The following SCN11A variants were observed in gnomAD, a reference collection of about 807,000 sequenced individuals.
SCN11A encodes the protein sodium voltage-gated channel alpha subunit 11, also known as sodium channel protein type 11 subunit alpha.
A neutral mutation model predicts 162.2 loss-of-function variants in SCN11A; 122 were observed. That is an observed-to-expected ratio of 0.75 (90% confidence interval 0.65 to 0.87). The LOEUF (loss-of-function observed/expected upper bound fraction) is 0.87, where lower values mean the gene tolerates loss of function less well. Ranked by LOEUF, SCN11A falls within the 40% of genes least tolerant of loss-of-function variation. The pLI, the probability that SCN11A is intolerant of heterozygous loss-of-function variation, is 0.00. For missense variants in SCN11A, 2,015 were observed against 2,181.6 expected, an observed-to-expected ratio of 0.92 and a Z score of 1.52; for synonymous variants, 758 against 751.5, an observed-to-expected ratio of 1.01 and a Z score of -0.14.
intron 7 of SCN11A, among the ~76,000 whole-genome samples, chr3:38,932,538 G>T (rs60781306): frequency 6.6e-6 from 1 of 152,294 alleles, no homozygotes; most frequent in Non-Finnish European, 1.5e-5. Flanking sequence ...CTTTTCCGAC[G>T]GGCTTAAAAA....
intron 1 of SCN11A, among the ~76,000 whole-genome samples, chr3:39,050,642 T>C (rs2032320842): frequency 6.6e-6 from 1 of 152,254 alleles, no homozygotes; most frequent in East Asian, 1.9e-4. Flanking sequence ...ACTTATATAC[T>C]AGCACTATGC....
chr3:39,014,925 G>A (rs1414906801), intron 2 of SCN11A, among the ~76,000 whole-genome samples: 3 of 152,174 alleles, frequency 2.0e-5, no homozygotes, highest in Non-Finnish European at 2.9e-5. Context: ...CTTTGTTGTT[G>A]GCATATTGTG....
intron 26 of SCN11A, 65 bp downstream of exon 26, chr3:38,870,626 C>T: frequency 7.3e-7 from 1 of 1,376,378 alleles, no homozygotes; most frequent in Non-Finnish European, 1.0e-6. Context: ...TCTGGACTGT[C>T]CATGTAGTCA....
chr3:38,967,810 CAT>C (rs1201871422), intron 2 of SCN11A, among the ~76,000 whole-genome samples: 7 of 152,230 alleles, frequency 4.6e-5, no homozygotes, highest in Non-Finnish European at 8.8e-5. Flanking sequence ...GCTACTCACA[CAT>C]GTCAGTATTC....
chr3:38,863,260 T>C lies in SCN11A; in HGVS notation c.3991A>G (p.Lys1331Glu). 6.2e-7 allele frequency: 1 copy of C among 1,606,356 alleles called. No homozygotes were observed. Among genetic ancestry groups the C allele is most frequent in the Non-Finnish European group, 8.5e-7 (1 of 1,173,824 alleles). The change falls in exon 28 of 30, where the codon AAA becomes GAA. Residue 1331 changes from lysine (K) to glutamate (E), a missense_variant. Coordinates refer to ENST00000302328, the MANE Select transcript of SCN11A (RefSeq NM_001349253.2). ...AATTTTTTCATTGCATTATAGTATTTCTTCTGTTCTTCTGTCATAAAAATG... is the reference window on the plus strand; with the variant it reads ...AATTTTTTCATTGCATTATAGTATTCCTTCTGTTCTTCTGTCATAAAAATG... ...QDIFMTEEQKKYYNAMKKLGS... is the reference protein window; with the variant it reads ...QDIFMTEEQKEYYNAMKKLGS...
intron 2 of SCN11A, among the ~76,000 whole-genome samples, chr3:39,026,842 T>C (rs1417849921): frequency 6.6e-6 from 1 of 152,138 alleles, no homozygotes; most frequent in African/African-American, 2.4e-5. Context: ...GGTGGGGGAT[T>C]CTAGTGACAC....
rs146722484 is a variant in SCN11A at position 38,961,202 on chromosome 3, G to A, written c.-279-779C>T. On this transcript the variant is annotated intron_variant, in intron 2 of 29. Transcript: ENST00000302328. ...ACAAGGGGCGCTGAATACTGGTTTCGGCTCCACCACTTCTCAGCTGCATGT... is the reference window on the plus strand; with the variant it reads ...ACAAGGGGCGCTGAATACTGGTTTCAGCTCCACCACTTCTCAGCTGCATGT... Among the ~76,000 whole-genome samples, 308 of 152,194 alleles carry A rather than the reference G, an allele frequency of 2.0e-3. 2 individuals are homozygous for A. The highest frequency in any genetic ancestry group is 7.0e-3 in the African/African-American group (292 of 41,532).
intron 29 of SCN11A, among the ~76,000 whole-genome samples, chr3:38,848,438 T>C (rs1264670310): frequency 3.9e-5 from 6 of 152,136 alleles, no homozygotes; most frequent in Admixed American, 3.9e-4. Flanking sequence ...CCTAATGACC[T>C]TGAGTGTCCT....
In SCN11A at chr3:39,016,220, T is replaced by C. The variant is rs566505944; in HGVS notation, c.-280+16160A>G. On this transcript the variant is annotated intron_variant, in intron 2 of 29. Transcript: ENST00000302328. ...CACTTTGAGGCAAGGAAAGGGGCTT[T>C]AGTACCCCCATTGCAGATGGTCATT... is the stretch of plus-strand genomic sequence containing the variant. Among the ~76,000 whole-genome samples, 37 of 152,310 alleles carry C rather than the reference T, an allele frequency of 2.4e-4. No individual in the cohort carries two copies. In the Middle Eastern group the frequency reaches 0.01, roughly 42 times the overall value.
In SCN11A at chr3:38,900,037, T is replaced by C; in HGVS notation, c.1879A>G (p.Lys627Glu). 6.2e-7 allele frequency: 1 copy of C among 1,614,002 alleles called. No individual in the cohort carries two copies. The highest frequency in any genetic ancestry group is 2.2e-5 in the East Asian group (1 of 44,886). Residue 627 changes from lysine (K) to glutamate (E), a missense_variant, in exon 17 of 30, where the codon AAA (lysine) becomes GAA (glutamate). Physicochemically the swap from Lys to Glu is moderately conservative, Grantham distance 56 (BLOSUM62 1). Coordinates refer to ENST00000302328, the MANE Select transcript of SCN11A (RefSeq NM_001349253.2). ...TGGTAGGGATCGAGCGCAATGATTT[T>C]TAGGCACATTTCTGCTATAAAAATG... is the stretch of plus-strand genomic sequence containing the variant. ...TSIFIAEMCL[K>E]IIALDPYHYF...
intron 12 of SCN11A, 35 bp from the exon 13 acceptor site, chr3:38,909,229 CCTT>C (rs1239549866): frequency 2.5e-6 from 4 of 1,603,100 alleles, no homozygotes; most frequent in East Asian, 2.2e-5. Context: ...GAATATCAAA[CCTT>C]CTTCCACAGG....
At chr3:39,020,364 C>A (rs1457991845) in intron 2 of SCN11A, among the ~76,000 whole-genome samples, 2 of 152,226 alleles carry the variant, frequency 1.3e-5, no homozygotes, top group East Asian at 3.8e-4. Context: ...ATTCCTTTGT[C>A]CCGCCTCAGA....
chr3:38,950,621 G>A, intron 4 of SCN11A: 2 of 469,046 alleles, frequency 4.3e-6, no homozygotes, highest in South Asian at 2.5e-5. Context: ...GGCAAAAGGC[G>A]GGAAGTTGAG....
Position 38,932,356 on chromosome 3 carries a change from C to T in SCN11A, c.489-5425G>A, listed in dbSNP as rs868076182. Among the ~76,000 whole-genome samples the T allele has an allele frequency of 1.2e-4, 18 of 152,272 alleles. 1 individual carries two copies. In the Middle Eastern group the frequency reaches 0.017, roughly 144 times the overall value. ...AACGGGTTCATCTCACTAGGGAGTG[C>T]CAGACAGTGGATGCAGGACAGTGGG... On this transcript the variant is annotated intron_variant, in intron 7 of 29. Coordinates refer to ENST00000302328, the MANE Select transcript of SCN11A (RefSeq NM_001349253.2).
Position 38,872,230 on chromosome 3 carries a change from C to T in SCN11A, c.3458G>A (p.Arg1153Lys). Residue 1153 changes from arginine to lysine, a missense_variant, in exon 24 of 30, where the codon AGG (arginine) becomes AAG (lysine). Transcript: ENST00000302328. ...AAACTGGGACAGCGCACGAAGAGGC[C>T]TCAGTGCTCGTAGAGTCCGGAAGGA... ...LKSFRTLRAL[R>K]PLRALSQFEG... 1.9e-6 allele frequency: 3 copies of T among 1,611,114 alleles called. No homozygotes were observed. Among genetic ancestry groups the T allele is most frequent in the Non-Finnish European group, 2.5e-6 (3 of 1,177,448 alleles).
chr3:38,912,613 G>A (rs1203206530), intron 11 of SCN11A, among the ~76,000 whole-genome samples: 1 of 151,992 alleles, frequency 6.6e-6, no homozygotes, highest in Non-Finnish European at 1.5e-5. Flanking sequence ...TATTTTTTCT[G>A]CTCCTCTTGC....
chr3:38,850,746 T>A lies in SCN11A; in HGVS notation c.4062A>T (p.Lys1354Asn), dbSNP rs2064764771. Reference protein sequence around the residue: ...PQKPIPRPLNKCQGLVFDIVT... With the variant: ...PQKPIPRPLNNCQGLVFDIVT... ...CTATGTCGAACACGAGACCTTGACA[T>A]TTGTTCTGAGAAAAAAAAGAAATTA... Residue 1354 changes from lysine to asparagine, a missense_variant, in exon 29 of 30, where the codon AAA (lysine) becomes AAT (asparagine). By Grantham distance (94) the Lys-to-Asn change is moderately conservative. Transcript: ENST00000302328. 1.3e-6 allele frequency: 2 copies of A among 1,581,904 alleles called. No individual in the cohort carries two copies. The highest frequency in any genetic ancestry group is 1.7e-6 in the Non-Finnish European group (2 of 1,165,674).
intron 2 of SCN11A, among the ~76,000 whole-genome samples, chr3:39,018,792 T>G (rs954816894): frequency 2.0e-5 from 3 of 152,188 alleles, no homozygotes; most frequent in African/African-American, 4.8e-5. Flanking sequence ...CACTCCAGCC[T>G]GGGTGACAGA....
intron 17 of SCN11A, among the ~76,000 whole-genome samples, chr3:38,898,312 C>G (rs2065640252): frequency 6.6e-6 from 1 of 152,216 alleles, no homozygotes; most frequent in African/African-American, 2.4e-5. Context: ...GTTTCAGCAT[C>G]CATAAATAAA....
Sources: gnomAD v4.1 joint callset for allele counts (sites outside exome capture counted in the v4.1 genomes callset) on GRCh38, gnomAD v4.1.1 for gene constraint, MANE v1.5 for transcripts, NCBI Gene and HGNC (gene_info 2026-07-23, HGNC 2026-07-21) for gene names.